Variants in JMJD1C observed in about 807,000 individuals in gnomAD.
JMJD1C encodes the protein jumonji domain containing 1C.
In JMJD1C, 31 loss-of-function variants were observed where a neutral mutation model predicts 245.3. The ratio of observed to expected loss-of-function variants is 0.13; its 90% CI spans 0.09 to 0.17. The LOEUF is 0.17. Ranked by LOEUF, JMJD1C falls within the 10% of genes least tolerant of loss-of-function variation. The pLI is 1.00. For missense variants in JMJD1C, 2,691 were observed against 3,000.2 expected (o/e 0.90, Z 2.41); for synonymous variants, 1,057 against 1,017.4 (o/e 1.04, Z -0.74).
At chr10:63,337,180 G>A (rs1461681738) in intron 2 of JMJD1C, among the ~76,000 whole-genome samples, 1 of 151,478 alleles carries the variant, frequency 6.6e-6, no homozygotes, top group Non-Finnish European at 1.5e-5. Flanking sequence ...GAAATGCTTT[G>A]TAAAATCATA....
At chr10:63,279,204 G>A (rs964662295) in intron 2 of JMJD1C, among the ~76,000 whole-genome samples, 2 of 150,646 alleles carry the variant, frequency 1.3e-5, no homozygotes, top group Non-Finnish European at 3.0e-5. Context: ...GAGCTAAGAC[G>A]GTGCCATTGC....
At chr10:63,520,722 A>G (rs140810072) in intron 1 of JMJD1C, among the ~76,000 whole-genome samples, 1 of 152,298 alleles carries the variant, frequency 6.6e-6, no homozygotes, top group East Asian at 1.9e-4. Flanking sequence ...TCGTGTCTGT[A>G]AACAGTCTTT....
In JMJD1C at chr10:63,168,145, T is replaced by C. The variant is rs1188235277; in HGVS notation, c.7534-11A>G. 5 of 1,545,742 alleles carry C rather than the reference T, an allele frequency of 3.2e-6. No homozygotes were observed. Among genetic ancestry groups the C allele is most frequent in the Non-Finnish European group, 4.5e-6 (5 of 1,119,882 alleles). On this transcript the variant is annotated splice_polypyrimidine_tract_variant and intron_variant, in intron 25 of 25. Coordinates refer to ENST00000399262, the MANE Select transcript of JMJD1C (RefSeq NM_032776.3). ...CAAAATATTTTTAACCTGAAAGAGATGTTGATATTTCTAATCACTTCAGTT... is the reference window on the plus strand; with the variant it reads ...CAAAATATTTTTAACCTGAAAGAGACGTTGATATTTCTAATCACTTCAGTT...
At chr10:63,453,733 TTTTTTTG>T (rs1389196719) in intron 1 of JMJD1C, among the ~76,000 whole-genome samples, 1 of 152,128 alleles carries the variant, frequency 6.6e-6, no homozygotes, top group African/African-American at 2.4e-5. Flanking sequence ...AGCAATAGTT[TTTTTTTG>T]TTTTTTGTTT....
chr10:63,441,111 G>T (rs1951357996), intron 1 of JMJD1C, among the ~76,000 whole-genome samples: 1 of 152,140 alleles, frequency 6.6e-6, no homozygotes, highest in South Asian at 2.1e-4. Flanking sequence ...GGCACAAACA[G>T]AAAAAGGCCG....
In JMJD1C at chr10:63,177,711, T is replaced by A. The variant is rs370760675; in HGVS notation, c.7224+6A>T. On this transcript the variant is annotated splice_donor_region_variant and intron_variant, in intron 23 of 25. Coordinates refer to ENST00000399262, the MANE Select transcript of JMJD1C (RefSeq NM_032776.3). ...GAAGAGATATTATTTGCAAACTAACTTATACCTTTTGAAGAAATTCCCTTA... is the reference window on the plus strand; with the variant it reads ...GAAGAGATATTATTTGCAAACTAACATATACCTTTTGAAGAAATTCCCTTA... 2 of 1,613,850 alleles carry A rather than the reference T, an allele frequency of 1.2e-6. No homozygotes were observed. The highest frequency in any genetic ancestry group is 2.2e-5 in the East Asian group (1 of 44,866).
At chr10:63,507,027 G>C (rs1463767184) in intron 1 of JMJD1C, among the ~76,000 whole-genome samples, 3 of 152,244 alleles carry the variant, frequency 2.0e-5, no homozygotes, top group Admixed American at 6.5e-5. Context: ...ACACTGTGCA[G>C]CCTTTTCAGG....
At chr10:63,293,740 TC>T (rs1859043913) in intron 2 of JMJD1C, among the ~76,000 whole-genome samples, 1 of 152,122 alleles carries the variant, frequency 6.6e-6, no homozygotes, top group Non-Finnish European at 1.5e-5. Context: ...GGCTTATTTC[TC>T]CTTTGACTTT....
intron 1 of JMJD1C, among the ~76,000 whole-genome samples, chr10:63,454,927 G>A (rs1952314677): frequency 6.6e-6 from 1 of 152,132 alleles, no homozygotes. Context: ...GTTCTTCTTG[G>A]CAAAAATACT....
chr10:63,509,304 T>C (rs1208951077), intron 1 of JMJD1C, among the ~76,000 whole-genome samples: 1 of 152,244 alleles, frequency 6.6e-6, no homozygotes, highest in African/African-American at 2.4e-5. Context: ...TAATTTTTCA[T>C]ACATTTTTGG....
In JMJD1C at chr10:63,476,516, A is replaced by G. The variant is rs142727709; in HGVS notation, n.113+45222T>C. ...GACAAGAGGATCAGCTGAGGCCAAGAGTTCAAGACCAGCCTGGGCAACACA... is the reference window on the plus strand; with the variant it reads ...GACAAGAGGATCAGCTGAGGCCAAGGGTTCAAGACCAGCCTGGGCAACACA... On this transcript the variant is annotated intron_variant and non_coding_transcript_variant, in intron 1 of 3. Coordinates refer to the JMJD1C transcript ENST00000633035. 3.3e-3 allele frequency among the ~76,000 whole-genome samples: 495 copies of G among 152,042 alleles called. 2 individuals carry two copies. Among genetic ancestry groups the G allele is most frequent in the African/African-American group, 0.012 (480 of 41,460 alleles).
intron 1 of JMJD1C, among the ~76,000 whole-genome samples, chr10:63,512,660 G>A (rs1386286504): frequency 6.6e-6 from 1 of 152,154 alleles, no homozygotes; most frequent in African/African-American, 2.4e-5. Flanking sequence ...ATATGGTGTG[G>A]CTAAGTGTAG....
In JMJD1C at chr10:63,465,506, G is replaced by A. The variant is rs748149848; in HGVS notation, c.157C>T (p.Pro53Ser). 8.1e-6 allele frequency: 13 copies of A among 1,604,132 alleles called. No individual in the cohort carries two copies. In the Admixed American group the frequency reaches 1.0e-4, roughly 12 times the overall value. ...RAVSHRDSRN[P>S]DLAVYVEFDD... ...GCTGACTCTCTTACCGCCAGGTCCG[G>A]ATTGCGGCTGTCCCTGTGTGACACG... is the stretch of plus-strand genomic sequence containing the variant. Residue 53 changes from proline (P) to serine (S), a missense_variant, in exon 1 of 26, where the codon CCG becomes TCG. Coordinates refer to ENST00000399262, the MANE Select transcript of JMJD1C (RefSeq NM_032776.3).
At chr10:63,201,031 T>C (rs770160939) in intron 10 of JMJD1C, among the ~76,000 whole-genome samples, 2 of 152,166 alleles carry the variant, frequency 1.3e-5, no homozygotes, top group Non-Finnish European at 2.9e-5. Context: ...AATACAGTCC[T>C]TCTATACCAA....
Position 63,167,392 on chromosome 10 carries a change from A to C in JMJD1C, c.*653T>G, listed in dbSNP as rs140824389. 3 of 152,796 alleles carry C rather than the reference A, an allele frequency of 2.0e-5. No homozygotes were observed. The East Asian group carries it at 5.8e-4, about 29-fold the overall frequency. The allele number at this position is 152,796 out of a possible 1,614,324, so 9.5% of individuals were successfully genotyped here. A position where few individuals can be genotyped will look rare whatever the true frequency, so the allele number is the denominator to read the frequency against. On this transcript the variant is annotated 3_prime_UTR_variant, in exon 26 of 26. Transcript: ENST00000399262. ...ACATAGCATATTAAGTTTAATATTT[A>C]GCTTTAAAAGTTCACATAAATTTTA...
chr10:63,218,021 GA>G (rs1454171046), intron 4 of JMJD1C, among the ~76,000 whole-genome samples: 1 of 152,010 alleles, frequency 6.6e-6, no homozygotes, highest in Non-Finnish European at 1.5e-5. Flanking sequence ...ATACTGAGAT[GA>G]AAACGATCTT....
At position 63,465,776 on chromosome 10, in the gene JMJD1C, CG is replaced by C; in HGVS notation, c.-115del. On this transcript the variant is annotated 5_prime_UTR_variant, in exon 1 of 26. Coordinates refer to ENST00000399262, the MANE Select transcript of JMJD1C (RefSeq NM_032776.3). ...GCGGACCGGGACACAGCAGCGGACCCGAAAGAGCGCAGACTCGGGACGAACC... is the reference window on the plus strand; with the variant it reads ...GCGGACCGGGACACAGCAGCGGACCCAAAGAGCGCAGACTCGGGACGAACC... The C allele has an allele frequency of 7.8e-7, 1 of 1,285,924 alleles. No individual in the cohort carries two copies. The highest frequency in any genetic ancestry group is 1.2e-5 in the South Asian group (1 of 80,350). 79.7% of individuals were successfully genotyped at this position (1,285,924 alleles called of 1,614,324 possible).
At chr10:63,187,357 T>TA (rs1164401367) in intron 18 of JMJD1C, among the ~76,000 whole-genome samples, 1 of 152,196 alleles carries the variant, frequency 6.6e-6, no homozygotes, top group East Asian at 1.9e-4. Flanking sequence ...TTGTTAAAAG[T>TA]AAATTTTTTA....
At chr10:63,376,131 C>T (rs1238015988) in intron 2 of JMJD1C, among the ~76,000 whole-genome samples, 1 of 152,142 alleles carries the variant, frequency 6.6e-6, no homozygotes, top group Non-Finnish European at 1.5e-5. Flanking sequence ...GAAACAAACC[C>T]TTGCATATAC....
Sources: allele counts gnomAD v4.1 joint callset (sites outside exome capture counted in the v4.1 genomes callset), GRCh38; gene constraint gnomAD v4.1.1; transcripts MANE v1.5; gene names NCBI Gene and HGNC (gene_info 2026-07-23, HGNC 2026-07-21).